Variants in SLC39A11 observed in about 807,000 individuals in gnomAD.
SLC39A11 encodes solute carrier family 39 member 11.
SLC39A11 carries 33 observed loss-of-function variants against 36.1 expected under a neutral mutation model. The ratio of observed to expected loss-of-function variants is 0.91; its 90% confidence interval spans 0.69 to 1.22. SLC39A11 has a LOEUF of 1.22. Among genes scored for constraint, SLC39A11 ranks in the 50% most tolerant of loss-of-function variants. The pLI, the probability that SLC39A11 is intolerant of heterozygous loss-of-function variation, is 0.00. For synonymous variants in SLC39A11, 166 were observed against 170.3 expected (o/e 0.97, Z 0.20); for missense variants, 432 against 430.3 (o/e 1.00, Z -0.03).
At chr17:72,835,304 C>T (rs375406510) in intron 6 of SLC39A11, among the ~76,000 whole-genome samples, 2 of 152,188 alleles carry the variant, frequency 1.3e-5, no homozygotes, top group East Asian at 1.9e-4. Flanking sequence ...CCATCTGTGA[C>T]GTCCCCATTT....
intron 6 of SLC39A11, among the ~76,000 whole-genome samples, chr17:72,783,796 A>G (rs2076404356): frequency 1.3e-5 from 2 of 152,168 alleles, no homozygotes; most frequent in African/African-American, 4.8e-5. Flanking sequence ...CCCACGTCAC[A>G]ATGGATGGAT....
Position 72,789,149 on chromosome 17 carries a change from G to A in SLC39A11, c.602-52430C>T, listed in dbSNP as rs146828626. ...TCCCGGGTCCAAGCGATTCTCCTGC[G>A]TCAGCCTCCAGAGCAGCTGAGACTA... is the stretch of plus-strand genomic sequence containing the variant. On this transcript the variant is annotated intron_variant, in intron 6 of 9. Transcript: ENST00000255559. Among the ~76,000 whole-genome samples the A allele has an allele frequency of 4.6e-5, 7 of 151,562 alleles. No homozygotes were observed. The East Asian group carries it at 5.9e-4, about 13-fold the overall frequency.
Position 72,678,574 on chromosome 17 carries a change from G to A in SLC39A11, c.672-29306C>T, listed in dbSNP as rs185205877. Among the ~76,000 whole-genome samples the A allele has an allele frequency of 3.4e-3, 518 of 152,136 alleles. 4 individuals carry two copies. The highest frequency in any genetic ancestry group is 5.7e-3 in the Non-Finnish European group (385 of 67,998). On this transcript the variant is annotated intron_variant, in intron 7 of 9. Transcript: ENST00000255559. Reference sequence around the variant, plus strand: ...ACAAAAATTAGCCCGGCATGGTGGCGTGCGCCTGTAATCCCAGCTACTCGG... The same window carrying A: ...ACAAAAATTAGCCCGGCATGGTGGCATGCGCCTGTAATCCCAGCTACTCGG...
At chr17:72,783,926 G>A (rs2076410444) in intron 6 of SLC39A11, among the ~76,000 whole-genome samples, 1 of 152,154 alleles carries the variant, frequency 6.6e-6, no homozygotes, top group Admixed American at 6.5e-5. Flanking sequence ...CCCCACCCAG[G>A]GCATGGCTGT....
chr17:72,764,521 T>C (rs1257451469), intron 6 of SLC39A11, among the ~76,000 whole-genome samples: 1 of 152,154 alleles, frequency 6.6e-6, no homozygotes, highest in Non-Finnish European at 1.5e-5. Flanking sequence ...GTTTTCCTCC[T>C]ACAGTTCCAG....
chr17:72,737,938 G>A (rs1598508147), intron 6 of SLC39A11, among the ~76,000 whole-genome samples: 1 of 152,118 alleles, frequency 6.6e-6, no homozygotes, highest in Admixed American at 6.5e-5. Context: ...AATAAACTGG[G>A]GTCTTGTCAG....
intron 2 of SLC39A11, among the ~76,000 whole-genome samples, chr17:73,087,015 C>G (rs2060754208): frequency 6.6e-6 from 1 of 151,404 alleles, no homozygotes; most frequent in Admixed American, 6.6e-5. Flanking sequence ...AAGATCACGC[C>G]ACTGCACTCC....
rs144063632 is a variant in SLC39A11 at position 72,677,441 on chromosome 17, G to T, written c.672-28173C>A. On this transcript the variant is annotated intron_variant, in intron 7 of 9. Transcript: ENST00000255559. ...CGGGTCAGGAGATGGGACATTCTGAGAACCCAGATCTCCTTTAGGAAAAAA... is the reference window on the plus strand; with the variant it reads ...CGGGTCAGGAGATGGGACATTCTGATAACCCAGATCTCCTTTAGGAAAAAA... Among the ~76,000 whole-genome samples, 20 of 152,316 alleles carry T rather than the reference G, an allele frequency of 1.3e-4. No homozygotes were observed. The East Asian group carries it at 3.7e-3, about 28-fold the overall frequency.
intron 5 of SLC39A11, among the ~76,000 whole-genome samples, chr17:72,878,833 G>A (rs950417853): frequency 6.6e-6 from 1 of 152,182 alleles, no homozygotes; most frequent in Non-Finnish European, 1.5e-5. Context: ...GATCCCACAG[G>A]TGAAGGCTCA....
chr17:72,709,470 T>C (rs1018191815), intron 7 of SLC39A11, among the ~76,000 whole-genome samples: 1 of 152,222 alleles, frequency 6.6e-6, no homozygotes, highest in African/African-American at 2.4e-5. Flanking sequence ...ATCTGATGTA[T>C]AGGCTGCTCT....
chr17:72,746,217 C>A lies in SLC39A11; in HGVS notation c.602-9498G>T, dbSNP rs368129442. 5.9e-5 allele frequency among the ~76,000 whole-genome samples: 9 copies of A among 152,250 alleles called. No homozygotes were observed. The South Asian group carries it at 6.2e-4, about 11-fold the overall frequency. ...GGTAGCCTCATAACATCCCTCAGGC[C>A]AGATGACACTTCACCAATAAATACA... On this transcript the variant is annotated intron_variant, in intron 6 of 9. Coordinates refer to ENST00000255559, the MANE Select transcript of SLC39A11 (RefSeq NM_139177.4).
intron 5 of SLC39A11, among the ~76,000 whole-genome samples, chr17:72,863,277 T>A (rs573237035): frequency 3.9e-5 from 6 of 152,168 alleles, no homozygotes; most frequent in Non-Finnish European, 8.8e-5. Context: ...CATGTTCCTC[T>A]TCTTGGAATC....
intron 5 of SLC39A11, among the ~76,000 whole-genome samples, chr17:72,862,816 G>C (rs1404412209): frequency 6.6e-6 from 1 of 152,198 alleles, no homozygotes; most frequent in Admixed American, 6.5e-5. Flanking sequence ...CACAAAGAAA[G>C]GTGGGAAGCT....
intron 5 of SLC39A11, among the ~76,000 whole-genome samples, chr17:72,890,739 T>A (rs1224035138): frequency 6.6e-6 from 1 of 152,096 alleles, no homozygotes; most frequent in Non-Finnish European, 1.5e-5. Context: ...GCCCCTAAAT[T>A]CTAAGTAGAA....
At position 72,995,215 on chromosome 17, in the gene SLC39A11, C is replaced by T. The variant is rs535316937; in HGVS notation, c.306+36341G>A. On this transcript the variant is annotated intron_variant, in intron 4 of 9. Transcript: ENST00000255559. ...CATGAGCACAGTGTGTTTCCCCACC[C>T]CTTGACCTTGGGCTTGGCCATGTGA... Among the ~76,000 whole-genome samples the T allele has an allele frequency of 6.6e-5, 10 of 152,302 alleles. No homozygotes were observed. In the South Asian group the frequency reaches 2.1e-3, roughly 32 times the overall value.
chr17:72,690,359 T>C (rs1388283968), intron 7 of SLC39A11, among the ~76,000 whole-genome samples: 2 of 152,176 alleles, frequency 1.3e-5, no homozygotes, highest in African/African-American at 4.8e-5. Context: ...CGTCGGAGAA[T>C]TCCCCAAGGG....
intron 5 of SLC39A11, among the ~76,000 whole-genome samples, chr17:72,909,838 C>T (rs561769881): frequency 1.3e-5 from 2 of 151,706 alleles, no homozygotes; most frequent in Non-Finnish European, 1.5e-5. Context: ...CTCCGCTTCC[C>T]GCGTTCACGC....
At chr17:72,914,442 T>C (rs1208050360) in intron 5 of SLC39A11, among the ~76,000 whole-genome samples, 1 of 152,106 alleles carries the variant, frequency 6.6e-6, no homozygotes, top group Admixed American at 6.6e-5. Flanking sequence ...AACCTAGAGA[T>C]GACTGAAAGA....
intron 7 of SLC39A11, among the ~76,000 whole-genome samples, chr17:72,669,262 T>C (rs1220639953): frequency 6.6e-6 from 1 of 152,210 alleles, no homozygotes; most frequent in Non-Finnish European, 1.5e-5. Context: ...CACGACACTA[T>C]GAACTAAACC....
Sources: gnomAD v4.1 joint callset for allele counts (sites outside exome capture counted in the v4.1 genomes callset) on GRCh38, gnomAD v4.1.1 for gene constraint, MANE v1.5 for transcripts, NCBI Gene and HGNC (gene_info 2026-07-23, HGNC 2026-07-21) for gene names.